RPS6KC1: variants seen among roughly 807,000 people sequenced by gnomAD.
RPS6KC1 encodes the protein ribosomal protein S6 kinase C1, also known as inactive ribosomal protein S6 kinase delta-1.
Under a neutral mutation model 103.8 loss-of-function variants are expected in RPS6KC1, and 54 were observed. The ratio of observed to expected loss-of-function variants is 0.52; its 90% CI spans 0.42 to 0.65. The LOEUF is 0.65. Ranked by LOEUF, RPS6KC1 falls within the 30% of genes least tolerant of loss-of-function variation. RPS6KC1 has a pLI of 0.00. For missense variants in RPS6KC1, 1,151 were observed against 1,253.8 expected (o/e 0.92, Z 1.24); for synonymous variants, 439 against 438.7 (o/e 1.00, Z -0.01).
the RPS6KC1 span, among the ~76,000 whole-genome samples, chr1:213,584,405 A>G: frequency 6.6e-6 from 1 of 152,186 alleles, no homozygotes; most frequent in Non-Finnish European, 1.5e-5. Flanking sequence ...TTTCCAGAGA[A>G]AATCCCCTCA....
At chr1:213,332,253 C>T in the RPS6KC1 span, among the ~76,000 whole-genome samples, 2 of 152,182 alleles carry the variant, frequency 1.3e-5, no homozygotes, top group Admixed American at 6.6e-5. Flanking sequence ...CACTGTACAT[C>T]GTTGGCACCC....
chr1:213,314,684 T>C, the RPS6KC1 span, among the ~76,000 whole-genome samples: 2 of 151,994 alleles, frequency 1.3e-5, no homozygotes, highest in Non-Finnish European at 2.9e-5. Flanking sequence ...TTCTGGGTTT[T>C]CTCTATTAGC....
At chr1:213,457,415 C>T in the RPS6KC1 span, among the ~76,000 whole-genome samples, 3 of 152,194 alleles carry the variant, frequency 2.0e-5, no homozygotes, top group Non-Finnish European at 4.4e-5. Flanking sequence ...AGCTGATGAA[C>T]CCCTTCCAGG....
chr1:213,728,680 A>C, the RPS6KC1 span, among the ~76,000 whole-genome samples: 1 of 152,162 alleles, frequency 6.6e-6, no homozygotes, highest in Non-Finnish European at 1.5e-5. Context: ...AGAGCTCCAC[A>C]CTTGGGTTGA....
At chr1:213,576,453 A>T in the RPS6KC1 span, among the ~76,000 whole-genome samples, 2 of 150,030 alleles carry the variant, frequency 1.3e-5, no homozygotes. Context: ...TTCCAATGGC[A>T]TGTATTCACT....
At position 213,165,863 on chromosome 1, in the gene RPS6KC1, T is replaced by G. The variant is rs552141454; in HGVS notation, c.836-1995T>G. 3.9e-5 allele frequency among the ~76,000 whole-genome samples: 6 copies of G among 152,344 alleles called. No homozygotes were observed. In the East Asian group the frequency reaches 1.2e-3, roughly 29 times the overall value. ...CGAGCCACCGCACCTGGCCTATATATAAGGCTACATTTAAAAAGCCTTTCA... is the reference window on the plus strand; with the variant it reads ...CGAGCCACCGCACCTGGCCTATATAGAAGGCTACATTTAAAAAGCCTTTCA... On this transcript the variant is annotated intron_variant, in intron 6 of 14. Coordinates refer to ENST00000366960, the MANE Select transcript of RPS6KC1 (RefSeq NM_012424.6).
intron 3 of RPS6KC1, among the ~76,000 whole-genome samples, chr1:213,079,081 A>AT (rs1303528161): frequency 6.6e-6 from 1 of 152,090 alleles, no homozygotes; most frequent in East Asian, 1.9e-4. Context: ...TTTTTTCTTT[A>AT]TTTTTTATAT....
the RPS6KC1 span, among the ~76,000 whole-genome samples, chr1:213,360,630 G>A: frequency 1.4e-4 from 22 of 152,204 alleles, no homozygotes; most frequent in African/African-American, 4.6e-4. Context: ...GAGGAGAAGC[G>A]CTCTGATTTT....
intron 6 of RPS6KC1, among the ~76,000 whole-genome samples, chr1:213,150,610 CAGAG>C (rs2088598493): frequency 6.6e-6 from 1 of 151,524 alleles, no homozygotes; most frequent in Non-Finnish European, 1.5e-5. Context: ...GCACATGTTT[CAGAG>C]AGCACAGGGT....
chr1:213,843,626 G>A, the RPS6KC1 span: 8 of 151,994 alleles, frequency 5.3e-5, no homozygotes, highest in Non-Finnish European at 4.4e-5. Flanking sequence ...GGCCAACACA[G>A]TTTTCAAAGA....
intron 8 of RPS6KC1, chr1:213,205,242 A>G (rs2093304123): frequency 6.1e-6 from 6 of 984,926 alleles, no homozygotes; most frequent in South Asian, 4.7e-5. Flanking sequence ...TCATTAGTAC[A>G]CAGCCATGGT....
intron 1 of RPS6KC1, among the ~76,000 whole-genome samples, chr1:213,066,413 C>T (rs1318564149): frequency 6.6e-6 from 1 of 152,204 alleles, no homozygotes; most frequent in Admixed American, 6.5e-5. Flanking sequence ...AAATTTCCTC[C>T]TTCACTGTGA....
the RPS6KC1 span, among the ~76,000 whole-genome samples, chr1:213,669,361 G>C: frequency 2.0e-5 from 3 of 152,236 alleles, no homozygotes; most frequent in East Asian, 3.9e-4. Context: ...AGAGAGAAAG[G>C]GGGGTGGCCA....
At chr1:213,151,335 C>T (rs1415513179) in intron 6 of RPS6KC1, among the ~76,000 whole-genome samples, 13 of 120,912 alleles carry the variant, frequency 1.1e-4, no homozygotes, top group African/African-American at 3.3e-4. Context: ...GGCGGCTGGC[C>T]GGGCGGGGGG....
At chr1:213,600,266 G>A in the RPS6KC1 span, among the ~76,000 whole-genome samples, 4 of 152,052 alleles carry the variant, frequency 2.6e-5, no homozygotes, top group Admixed American at 2.0e-4. Flanking sequence ...ATCTGAAAAC[G>A]GACGAATACA....
At chr1:213,392,181 C>T in the RPS6KC1 span, among the ~76,000 whole-genome samples, 40 of 152,214 alleles carry the variant, frequency 2.6e-4, no homozygotes, top group Middle Eastern at 3.4e-3. Context: ...AATCATTACA[C>T]GTAGATTTTT....
the RPS6KC1 span, among the ~76,000 whole-genome samples, chr1:213,517,328 C>T: frequency 1.3e-5 from 2 of 152,072 alleles, no homozygotes; most frequent in Admixed American, 6.6e-5. Flanking sequence ...GTTAGGGTGT[C>T]AATTTTAGAT....
the RPS6KC1 span, among the ~76,000 whole-genome samples, chr1:213,416,289 A>C: frequency 2.0e-5 from 3 of 152,234 alleles, no homozygotes; most frequent in Non-Finnish European, 4.4e-5. Flanking sequence ...TACAAATTGA[A>C]GATCTAGGGC....
chr1:213,486,906 T>C, the RPS6KC1 span, among the ~76,000 whole-genome samples: 1 of 152,240 alleles, frequency 6.6e-6, no homozygotes. Flanking sequence ...GCCTTGAAAT[T>C]GGATAATTAT....
Sources: allele counts gnomAD v4.1 joint callset (sites outside exome capture counted in the v4.1 genomes callset), GRCh38; gene constraint gnomAD v4.1.1; transcripts MANE v1.5; gene names NCBI Gene and HGNC (gene_info 2026-07-23, HGNC 2026-07-21).